The following MCUB variants were observed in gnomAD, a reference collection of about 807,000 sequenced individuals.
MCUB encodes the protein calcium uniporter regulatory subunit MCUb, mitochondrial.
MCUB carries 46 observed loss-of-function variants against 41.4 expected under a neutral mutation model. That is an observed-to-expected ratio of 1.11 (90% CI 0.88 to 1.42). The LOEUF is 1.42. Among genes scored for constraint, MCUB ranks in the 40% most tolerant of loss-of-function variants. MCUB has a pLI of 0.00. For synonymous variants in MCUB, 148 were observed against 148.2 expected (o/e 1.00, Z 0.01); for missense variants, 403 against 404.9 (o/e 1.00, Z 0.04).
chr4:109,566,721 A>G (rs1035655972), intron 1 of MCUB, among the ~76,000 whole-genome samples: 2 of 152,178 alleles, frequency 1.3e-5, no homozygotes, highest in Non-Finnish European at 2.9e-5. Flanking sequence ...GAAGGGGACA[A>G]AACAGGCCCA....
In MCUB at chr4:109,567,237, A is replaced by G. The variant is rs141956075; in HGVS notation, c.99+6801A>G. Among the ~76,000 whole-genome samples the G allele has an allele frequency of 3.7e-3, 558 of 152,066 alleles. 3 individuals carry two copies. Among genetic ancestry groups the G allele is most frequent in the Middle Eastern group, 0.034 (10 of 292 alleles). On this transcript the variant is annotated intron_variant, in intron 1 of 7. Coordinates refer to ENST00000394650, the MANE Select transcript of MCUB (RefSeq NM_017918.5). Reference sequence around the variant, plus strand: ...GCACTGCCCAAATCACATTTCTGGAACCTAAAGATGAATTTGCTTATTTTC... The same window carrying G: ...GCACTGCCCAAATCACATTTCTGGAGCCTAAAGATGAATTTGCTTATTTTC...
chr4:109,587,694 A>T (rs2126127975), intron 1 of MCUB, among the ~76,000 whole-genome samples: 1 of 152,342 alleles, frequency 6.6e-6, no homozygotes, highest in Admixed American at 6.5e-5. Context: ...TCTAGATTTT[A>T]GTAAGAAACA....
Position 109,668,785 on chromosome 4 carries a change from CT to C in MCUB, c.451+4395del, listed in dbSNP as rs199653271. Among the ~76,000 whole-genome samples, 147 of 151,474 alleles carry C rather than the reference CT, an allele frequency of 9.7e-4. 1 individual carries two copies. In the East Asian group the frequency reaches 0.018, roughly 19 times the overall value. On this transcript the variant is annotated intron_variant, in intron 4 of 7. Coordinates refer to ENST00000394650, the MANE Select transcript of MCUB (RefSeq NM_017918.5). Reference sequence around the variant, plus strand: ...CATTCTGTATATTTCATTTTCTCTCCTTTTCCAGCATATTATTTATACTTCT... The same window carrying C: ...CATTCTGTATATTTCATTTTCTCTCCTTTCCAGCATATTATTTATACTTCT...
chr4:109,662,885 A>G (rs1349916696), intron 3 of MCUB, among the ~76,000 whole-genome samples: 2 of 152,144 alleles, frequency 1.3e-5, no homozygotes, highest in Non-Finnish European at 2.9e-5. Context: ...GGGCTTGAAA[A>G]GAGTGTTCTA....
At chr4:109,631,800 C>T (rs1201641970) in intron 1 of MCUB, among the ~76,000 whole-genome samples, 2 of 152,104 alleles carry the variant, frequency 1.3e-5, no homozygotes, top group Non-Finnish European at 1.5e-5. Context: ...TTTATTCAGC[C>T]CAGGGGTCCT....
chr4:109,639,409 G>T (rs1157686589), intron 1 of MCUB, among the ~76,000 whole-genome samples: 1 of 151,766 alleles, frequency 6.6e-6, no homozygotes, highest in East Asian at 1.9e-4. Flanking sequence ...TAGTAAACTG[G>T]CCTGGCACAG....
chr4:109,677,167 G>A (rs985981303), intron 4 of MCUB, among the ~76,000 whole-genome samples: 10 of 152,224 alleles, frequency 6.6e-5, no homozygotes, highest in African/African-American at 2.4e-4. Context: ...TTACTACCCT[G>A]TTGGGTTTTG....
At chr4:109,670,631 G>T (rs1354610231) in intron 4 of MCUB, among the ~76,000 whole-genome samples, 1 of 151,680 alleles carries the variant, frequency 6.6e-6, no homozygotes, top group Non-Finnish European at 1.5e-5. Flanking sequence ...CAGGAGAATC[G>T]CTTGAACCCG....
intron 3 of MCUB, among the ~76,000 whole-genome samples, chr4:109,661,439 G>A (rs960440065): frequency 6.6e-6 from 1 of 152,056 alleles, no homozygotes; most frequent in Non-Finnish European, 1.5e-5. Flanking sequence ...TAGAGAAGTT[G>A]GAAAATGGAG....
At chr4:109,652,211 C>T (rs1211280434) in intron 1 of MCUB, among the ~76,000 whole-genome samples, 1 of 152,182 alleles carries the variant, frequency 6.6e-6, no homozygotes, top group African/African-American at 2.4e-5. Context: ...CTTTAAAGTA[C>T]AGTCACATTC....
At position 109,577,678 on chromosome 4, in the gene MCUB, C is replaced by T. The variant is rs1296374085; in HGVS notation, c.99+17242C>T. ...AGACTGGAGTGCAGTGGCGCGATCT[C>T]GGCTCACTGCAGGCTCCGCCCCCCG... On this transcript the variant is annotated intron_variant, in intron 1 of 7. Transcript: ENST00000394650. Among the ~76,000 whole-genome samples, 4 of 25,716 alleles carry T rather than the reference C, an allele frequency of 1.6e-4. 1 individual carries two copies. The highest frequency in any genetic ancestry group is 3.3e-4 in the Non-Finnish European group (4 of 12,060). The allele number at this position is 25,716 out of a possible 152,430, so 16.9% of individuals were successfully genotyped here. A position where few individuals can be genotyped will look rare whatever the true frequency, so the allele number is the denominator to read the frequency against.
At chr4:109,627,814 G>C (rs183713109) in intron 1 of MCUB, among the ~76,000 whole-genome samples, 5 of 152,092 alleles carry the variant, frequency 3.3e-5, no homozygotes, top group African/African-American at 1.2e-4. Flanking sequence ...TCGGGAAACT[G>C]AGTCAGGAGA....
chr4:109,662,645 G>A (rs777983543), intron 3 of MCUB, among the ~76,000 whole-genome samples: 2 of 152,102 alleles, frequency 1.3e-5, no homozygotes, highest in African/African-American at 2.4e-5. Context: ...AATGTTTCAC[G>A]TCAGTCTTTT....
At chr4:109,601,950 T>C (rs931721557) in intron 1 of MCUB, among the ~76,000 whole-genome samples, 4 of 152,224 alleles carry the variant, frequency 2.6e-5, no homozygotes, top group Admixed American at 2.0e-4. Context: ...TGATATCTCA[T>C]TGTAGTTTTG....
chr4:109,683,880 A>G (rs1250072897), intron 5 of MCUB, among the ~76,000 whole-genome samples: 1 of 152,276 alleles, frequency 6.6e-6, no homozygotes, highest in Admixed American at 6.5e-5. Context: ...TGAGTTTTCA[A>G]TTGTATACTT....
chr4:109,668,516 T>C (rs1729391974), intron 4 of MCUB, among the ~76,000 whole-genome samples: 1 of 152,148 alleles, frequency 6.6e-6, no homozygotes, highest in African/African-American at 2.4e-5. Context: ...GCTTTTCATC[T>C]ATATATGTCT....
intron 4 of MCUB, among the ~76,000 whole-genome samples, chr4:109,677,500 C>T (rs1010307195): frequency 8.5e-5 from 13 of 152,116 alleles, no homozygotes; most frequent in African/African-American, 2.9e-4. Context: ...ATGTGTCCCT[C>T]AAAATTCATG....
intron 1 of MCUB, among the ~76,000 whole-genome samples, chr4:109,598,630 G>A (rs1180164437): frequency 6.6e-6 from 1 of 151,942 alleles, no homozygotes; most frequent in Non-Finnish European, 1.5e-5. Flanking sequence ...GAGAGGGAGA[G>A]GGAGAGGGAG....
At chr4:109,589,762 G>A (rs1727387120) in intron 1 of MCUB, among the ~76,000 whole-genome samples, 1 of 152,200 alleles carries the variant, frequency 6.6e-6, no homozygotes, top group Non-Finnish European at 1.5e-5. Flanking sequence ...CCTGTTTACT[G>A]TTGTATCCTC....
Sources: gnomAD v4.1 joint callset for allele counts (sites outside exome capture counted in the v4.1 genomes callset) on GRCh38, gnomAD v4.1.1 for gene constraint, MANE v1.5 for transcripts, NCBI Gene and HGNC (gene_info 2026-07-23, HGNC 2026-07-21) for gene names.